Variants in FUT9 observed in about 807,000 individuals in gnomAD.
FUT9 encodes 4-galactosyl-N-acetylglucosaminide 3-alpha-L-fucosyltransferase 9.
FUT9 carries 15 observed loss-of-function variants against 29.7 expected under a neutral mutation model. The ratio of observed to expected loss-of-function variants is 0.51; its 90% CI spans 0.34 to 0.78. FUT9 has a LOEUF of 0.78. Ranked by LOEUF, FUT9 falls within the 30% of genes least tolerant of loss-of-function variation. The probability of loss-of-function intolerance (pLI) is 0.01; values close to 1 mark genes in which losing one functional copy is unlikely to be tolerated. For synonymous variants in FUT9, 169 were observed against 153.7 expected, an observed-to-expected ratio of 1.10 and a Z score of -0.74; for missense variants, 319 against 425.4, an observed-to-expected ratio of 0.75 and a Z score of 2.20.
intron 2 of FUT9, among the ~76,000 whole-genome samples, chr6:96,139,342 C>T (rs537346567): frequency 1.3e-5 from 2 of 152,254 alleles, no homozygotes; most frequent in East Asian, 3.9e-4. Context: ...AAGCTCTGCC[C>T]CTGTGTCTTT....
chr6:96,086,532 C>A (rs1223738440), intron 1 of FUT9, among the ~76,000 whole-genome samples: 2 of 152,160 alleles, frequency 1.3e-5, no homozygotes, highest in Non-Finnish European at 2.9e-5. Flanking sequence ...CTTAAAGTCA[C>A]AAAGATATTC....
intron 2 of FUT9, among the ~76,000 whole-genome samples, chr6:96,122,890 C>CA (rs1156790446): frequency 1.3e-5 from 2 of 151,122 alleles, no homozygotes; most frequent in Non-Finnish European, 3.0e-5. Context: ...ACTAAAAATA[C>CA]AAAAAAATAG....
intron 1 of FUT9, among the ~76,000 whole-genome samples, chr6:96,089,290 T>A (rs539157719): frequency 6.6e-6 from 1 of 152,270 alleles, no homozygotes; most frequent in Non-Finnish European, 1.5e-5. Context: ...TACTTTCCCC[T>A]GAGAATTCTA....
chr6:96,122,454 C>T (rs1295312030), intron 2 of FUT9, among the ~76,000 whole-genome samples: 1 of 152,148 alleles, frequency 6.6e-6, no homozygotes, highest in Non-Finnish European at 1.5e-5. Flanking sequence ...CAGTCAGAAT[C>T]CAACCACCAC....
At chr6:96,041,227 G>A (rs1395013253) in intron 1 of FUT9, among the ~76,000 whole-genome samples, 2 of 151,752 alleles carry the variant, frequency 1.3e-5, no homozygotes, top group Non-Finnish European at 2.9e-5. Context: ...GCAGCCAGCA[G>A]AATGCCTGAT....
chr6:96,125,363 G>A (rs1772115195), intron 2 of FUT9, among the ~76,000 whole-genome samples: 1 of 152,128 alleles, frequency 6.6e-6, no homozygotes, highest in Non-Finnish European at 1.5e-5. Context: ...TTCATTTAGG[G>A]ATAAGAATAA....
At chr6:96,019,768 T>C (rs1770037424) in intron 1 of FUT9, among the ~76,000 whole-genome samples, 1 of 152,058 alleles carries the variant, frequency 6.6e-6, no homozygotes, top group African/African-American at 2.4e-5. Context: ...GCATTCTTAA[T>C]AGAAAGATTC....
At chr6:96,078,715 C>T (rs749825388) in intron 1 of FUT9, among the ~76,000 whole-genome samples, 9 of 151,964 alleles carry the variant, frequency 5.9e-5, no homozygotes, top group South Asian at 2.1e-4. Flanking sequence ...CCACCGCACC[C>T]GGCCCATATT....
rs891319079 is a variant in FUT9 at position 96,215,295 on chromosome 6, C to T, written c.*11060C>T. 4.2e-5 allele frequency: 7 copies of T among 166,982 alleles called. No homozygotes were observed. The highest frequency in any genetic ancestry group is 1.7e-4 in the African/African-American group (7 of 41,420). The allele number at this position is 166,982 out of a possible 1,614,324, so 10.3% of individuals were successfully genotyped here. On this transcript the variant is annotated 3_prime_UTR_variant, in exon 3 of 3. Coordinates refer to ENST00000302103, the MANE Select transcript of FUT9 (RefSeq NM_006581.4). ...TAAACATGCTGTCACAACATGGATT[C>T]CTTCTCATGGATGTCTTTCTAGGCT...
In FUT9 at chr6:96,207,111, G is replaced by A. The variant is rs773928590; in HGVS notation, c.*2876G>A. ...TGATGTGTGAGTTTTAGAGCTGGAA[G>A]GAATTATAATTTTGTTGTTTATAAT... On this transcript the variant is annotated 3_prime_UTR_variant, in exon 3 of 3. Coordinates refer to ENST00000302103, the MANE Select transcript of FUT9 (RefSeq NM_006581.4). The A allele has an allele frequency of 6.0e-6, 1 of 166,682 alleles. No individual in the cohort carries two copies. 10.3% of individuals were successfully genotyped at this position (166,682 alleles called of 1,614,324 possible). A position where few individuals can be genotyped will look rare whatever the true frequency, so the allele number is the denominator to read the frequency against.
At chr6:96,017,978 T>G (rs1770007645) in intron 1 of FUT9, among the ~76,000 whole-genome samples, 1 of 152,192 alleles carries the variant, frequency 6.6e-6, no homozygotes, top group African/African-American at 2.4e-5. Flanking sequence ...ATTCAAACTG[T>G]ATCTGAGATT....
Position 96,204,739 on chromosome 6 carries a change from GA to G in FUT9, c.*505del, listed in dbSNP as rs1421884764. On this transcript the variant is annotated 3_prime_UTR_variant, in exon 3 of 3. Coordinates refer to ENST00000302103, the MANE Select transcript of FUT9 (RefSeq NM_006581.4). ...ATGAAGTGTATAACTGTCTCTATTT[GA>G]TCTATTTTTTTTACCTGTTTATCAC... 4.8e-5 allele frequency: 8 copies of G among 166,732 alleles called. No homozygotes were observed. The highest frequency in any genetic ancestry group is 1.9e-4 in the African/African-American group (8 of 41,420). 10.3% of individuals were successfully genotyped at this position (166,732 alleles called of 1,614,324 possible).
intron 2 of FUT9, among the ~76,000 whole-genome samples, chr6:96,131,731 C>G (rs1440134157): frequency 1.3e-5 from 2 of 152,016 alleles, no homozygotes; most frequent in Non-Finnish European, 1.5e-5. Flanking sequence ...GAAAAGATTT[C>G]CTATAACTTT....
intron 1 of FUT9, among the ~76,000 whole-genome samples, chr6:96,086,147 G>A (rs1009792323): frequency 2.6e-5 from 4 of 152,120 alleles, no homozygotes; most frequent in Non-Finnish European, 5.9e-5. Context: ...ACATATTCAC[G>A]TTAACACTAA....
At chr6:96,093,936 A>T (rs1220666845) in intron 1 of FUT9, among the ~76,000 whole-genome samples, 1 of 152,110 alleles carries the variant, frequency 6.6e-6, no homozygotes, top group Non-Finnish European at 1.5e-5. Flanking sequence ...TGACTACTGA[A>T]CCCTAATTTG....
At chr6:96,160,543 C>A (rs1287937044) in intron 2 of FUT9, among the ~76,000 whole-genome samples, 1 of 152,078 alleles carries the variant, frequency 6.6e-6, no homozygotes, top group African/African-American at 2.4e-5. Context: ...GCTATAAAGA[C>A]TCAAGGAATT....
At chr6:96,074,839 T>C (rs911569012) in intron 1 of FUT9, among the ~76,000 whole-genome samples, 1 of 152,142 alleles carries the variant, frequency 6.6e-6, no homozygotes, top group African/African-American at 2.4e-5. Context: ...TGCTGTGGTA[T>C]GAACACAGCT....
chr6:96,094,371 C>T (rs1180720311), intron 1 of FUT9, among the ~76,000 whole-genome samples: 1 of 151,880 alleles, frequency 6.6e-6, no homozygotes, highest in Non-Finnish European at 1.5e-5. Context: ...AATAATGGCC[C>T]CAAAGCACAA....
chr6:96,029,555 C>T (rs1311308260), intron 1 of FUT9, among the ~76,000 whole-genome samples: 1 of 151,586 alleles, frequency 6.6e-6, no homozygotes, highest in African/African-American at 2.4e-5. Context: ...ATGCCCCAAA[C>T]GAATGGCTTC....
Sources: gnomAD v4.1 joint callset for allele counts (sites outside exome capture counted in the v4.1 genomes callset) on GRCh38, gnomAD v4.1.1 for gene constraint, MANE v1.5 for transcripts, NCBI Gene and HGNC (gene_info 2026-07-23, HGNC 2026-07-21) for gene names.